Variants in CHST15 observed in about 807,000 individuals in gnomAD.
CHST15 encodes the protein B cell RAG associated protein (GALNAC4S-6ST).
In CHST15, 30 loss-of-function variants were observed where a neutral mutation model predicts 53.6. The ratio of observed to expected loss-of-function variants is 0.56; its 90% CI spans 0.42 to 0.76. The LOEUF (loss-of-function observed/expected upper bound fraction) is 0.76, where lower values mean the gene tolerates loss of function less well. CHST15 is among the 30% of genes least tolerant of loss of function. The probability of loss-of-function intolerance (pLI) is 0.00; values close to 1 mark genes in which losing one functional copy is unlikely to be tolerated. For synonymous variants in CHST15, 296 were observed against 289.8 expected (o/e 1.02, Z -0.22); for missense variants, 627 against 740.5 (o/e 0.85, Z 1.78).
chr10:124,072,698 C>A (rs1355461579), intron 1 of CHST15, among the ~76,000 whole-genome samples: 1 of 152,224 alleles, frequency 6.6e-6, no homozygotes, highest in Admixed American at 6.5e-5. Context: ...ACACCCAAAG[C>A]ATGGAGACTA....
intron 4 of CHST15, among the ~76,000 whole-genome samples, chr10:124,039,999 C>G (rs1166858280): frequency 6.6e-6 from 1 of 152,170 alleles, no homozygotes; most frequent in Non-Finnish European, 1.5e-5. Flanking sequence ...GTGAACAGCT[C>G]TGTTCTGGCC....
intron 7 of CHST15, 156 bp from the exon 8 acceptor site, chr10:124,010,495 A>G: frequency 1.0e-6 from 1 of 985,472 alleles, no homozygotes; most frequent in Non-Finnish European, 1.2e-6. Flanking sequence ...TCCATTTTGG[A>G]AGCACTGAGG....
Position 124,019,893 on chromosome 10 carries a change from G to C in CHST15, c.1347+1363C>G. 1 of 986,046 alleles carries C rather than the reference G, an allele frequency of 1.0e-6. No homozygotes were observed. Among genetic ancestry groups the C allele is most frequent in the Non-Finnish European group, 1.2e-6 (1 of 830,408 alleles). 61.1% of individuals were successfully genotyped at this position (986,046 alleles called of 1,614,324 possible). A position where few individuals can be genotyped will look rare whatever the true frequency, so the allele number is the denominator to read the frequency against. On this transcript the variant is annotated intron_variant, in intron 6 of 7. Coordinates refer to ENST00000435907, the MANE Select transcript of CHST15 (RefSeq NM_001270764.2). The surrounding 1 kb of genome is among the most constrained non-coding windows in gnomAD (Gnocchi z 4.6). ...CACACCAGGCGGCTGGCTGCGTTCT[G>C]TATGGTAGGTGGTGCTGACCACTGG...
chr10:124,044,942 AG>A, intron 2 of CHST15, 23 bp from the exon 3 acceptor site: 1 of 1,417,526 alleles, frequency 7.1e-7, no homozygotes. Flanking sequence ...AGAGGAGGAG[AG>A]ACACAGAGGA....
intron 7 of CHST15, chr10:124,010,981 G>T (rs1156546073): frequency 1.2e-5 from 12 of 984,470 alleles, no homozygotes; most frequent in Non-Finnish European, 1.4e-5. Flanking sequence ...CCTCTGGAGT[G>T]AGGCGAGGCC....
At chr10:124,046,801 C>T (rs1177422651) in intron 1 of CHST15, 77 bp from the exon 2 acceptor site, 2 of 152,214 alleles carry the variant, frequency 1.3e-5, no homozygotes, top group African/African-American at 4.8e-5. Context: ...CAAGGAGAGA[C>T]AGATGCTCAC....
At chr10:124,069,375 C>CA (rs1001614638) in intron 1 of CHST15, among the ~76,000 whole-genome samples, 9 of 152,332 alleles carry the variant, frequency 5.9e-5, no homozygotes, top group African/African-American at 2.2e-4. Flanking sequence ...GGACCCCCCC[C>CA]CCAACTATTG....
chr10:124,079,955 T>C (rs550254280), intron 1 of CHST15, among the ~76,000 whole-genome samples: 3 of 152,226 alleles, frequency 2.0e-5, no homozygotes. Context: ...CTTGTTTTTA[T>C]GAGTGTGGTT....
At chr10:124,067,608 G>T (rs532634138) in intron 1 of CHST15, among the ~76,000 whole-genome samples, 1 of 152,286 alleles carries the variant, frequency 6.6e-6, no homozygotes, top group South Asian at 2.1e-4. Flanking sequence ...TTTAGAAACA[G>T]ATGGTTTTTG....
At chr10:124,023,786 T>C (rs1490167119) in intron 5 of CHST15, among the ~76,000 whole-genome samples, 1 of 152,030 alleles carries the variant, frequency 6.6e-6, no homozygotes, top group Non-Finnish European at 1.5e-5. Flanking sequence ...GGAAGGCAAT[T>C]CTGTGACTCT....
chr10:124,044,795 C>T lies in CHST15; in HGVS notation c.671G>A (p.Arg224His), dbSNP rs748750523. The T allele has an allele frequency of 3.7e-6, 6 of 1,607,016 alleles. No individual in the cohort carries two copies. The East Asian group carries it at 1.3e-4, about 36-fold the overall frequency. ...CAGGGCGTCGAAGGTGGAGCGGAAGCGCTTGGAGTAGAGCACGTAGGAGTT... is the reference window on the plus strand; with the variant it reads ...CAGGGCGTCGAAGGTGGAGCGGAAGTGCTTGGAGTAGAGCACGTAGGAGTT... The part of the protein sequence containing the change: ...LTNSYVLYSK[R>H]FRSTFDALRK... Residue 224 changes from arginine to histidine, a missense_variant, in exon 3 of 8, where the codon CGC becomes CAC. Arg to His is a conservative substitution (Grantham distance 29). This residue lies in a region of CHST15 where 161 missense variants were observed against 117.2 expected (regional missense o/e 1.37). Transcript: ENST00000435907.
At chr10:124,022,961 C>T (rs563873593) in intron 5 of CHST15, among the ~76,000 whole-genome samples, 16 of 151,870 alleles carry the variant, frequency 1.1e-4, no homozygotes, top group African/African-American at 3.6e-4. Flanking sequence ...GGACTACAGG[C>T]GCCTGCCCAC....
Position 124,081,454 on chromosome 10 carries a change from A to G in CHST15, c.-513+12015T>C, listed in dbSNP as rs565898681. 9.7e-4 allele frequency among the ~76,000 whole-genome samples: 148 copies of G among 152,344 alleles called. 2 individuals carry two copies. The highest frequency in any genetic ancestry group is 3.5e-3 in the African/African-American group (147 of 41,580). On this transcript the variant is annotated intron_variant, in intron 1 of 7. Coordinates refer to ENST00000435907, the MANE Select transcript of CHST15 (RefSeq NM_001270764.2). ...GGAGACTTGATGTAACAGCTGATGT[A>G]GGACCAAAGTATGTGCATTTCTTTC... is the stretch of plus-strand genomic sequence containing the variant.
chr10:124,043,284 T>C (rs1189453193), intron 3 of CHST15, among the ~76,000 whole-genome samples: 1 of 152,198 alleles, frequency 6.6e-6, no homozygotes. Context: ...GAAATCACTG[T>C]GAGCCTCGGG....
intron 1 of CHST15, among the ~76,000 whole-genome samples, chr10:124,062,818 C>G (rs1948625672): frequency 6.6e-6 from 1 of 152,088 alleles, no homozygotes; most frequent in Admixed American, 6.5e-5. Context: ...AAGTAAGAGG[C>G]AGGGCTGGAC....
rs1376698977 is a variant in CHST15 at position 124,024,700 on chromosome 10, G to A, written c.1191-3288C>T. Among the ~76,000 whole-genome samples the A allele has an allele frequency of 5.0e-4, 76 of 152,336 alleles. 1 individual carries two copies. Among genetic ancestry groups the A allele is most frequent in the Admixed American group, 5.0e-3 (76 of 15,304 alleles). Reference sequence around the variant, plus strand: ...CTGAAACACGGCATCTGTCGCCATAGGGTCGCTCATGGTTACTATGACCTA... The same window carrying A: ...CTGAAACACGGCATCTGTCGCCATAAGGTCGCTCATGGTTACTATGACCTA... On this transcript the variant is annotated intron_variant, in intron 5 of 7. Coordinates refer to ENST00000435907, the MANE Select transcript of CHST15 (RefSeq NM_001270764.2). This position sits in a 1 kb window ranked among gnomAD's most constrained non-coding sequence, Gnocchi z 4.0.
intron 1 of CHST15, among the ~76,000 whole-genome samples, chr10:124,071,233 C>T (rs1446227191): frequency 6.6e-6 from 1 of 152,212 alleles, no homozygotes; most frequent in Non-Finnish European, 1.5e-5. Flanking sequence ...AAAGGCACTA[C>T]CTGGAGGGAA....
At chr10:124,084,397 T>C (rs891009542) in intron 1 of CHST15, among the ~76,000 whole-genome samples, 6 of 152,092 alleles carry the variant, frequency 3.9e-5, no homozygotes, top group African/African-American at 1.4e-4. Flanking sequence ...CCTTCTCCGT[T>C]AGAGCCTTTG....
intron 5 of CHST15, among the ~76,000 whole-genome samples, chr10:124,033,380 G>A (rs768830592): frequency 2.0e-5 from 3 of 152,190 alleles, no homozygotes; most frequent in Admixed American, 6.5e-5. Context: ...CTACTCTCCC[G>A]GCTGCAAAGC....
Sources: allele counts gnomAD v4.1 joint callset (sites outside exome capture counted in the v4.1 genomes callset), GRCh38; gene constraint gnomAD v4.1.1; regional missense constraint gnomAD v4.1.1; non-coding constraint Gnocchi (gnomAD v3.1); transcripts MANE v1.5; gene names NCBI Gene and HGNC (gene_info 2026-07-23, HGNC 2026-07-21).